ZC3H13: variants seen among roughly 807,000 people sequenced by gnomAD.
ZC3H13 encodes the protein zinc finger CCCH-type containing 13, also known as zinc finger CCCH domain-containing protein 13.
Under a neutral mutation model 204.1 loss-of-function variants are expected in ZC3H13, and 64 were observed. That is an observed-to-expected ratio of 0.31 (90% confidence interval 0.26 to 0.39). The LOEUF (loss-of-function observed/expected upper bound fraction) is 0.39, where lower values mean the gene tolerates loss of function less well. ZC3H13 is among the 10% of genes least tolerant of loss of function. The pLI, the probability that ZC3H13 is intolerant of heterozygous loss-of-function variation, is 1.00. For missense variants in ZC3H13, 1,833 were observed against 2,082.7 expected (o/e 0.88, Z 2.33); for synonymous variants, 667 against 693.7 (o/e 0.96, Z 0.60).
At chr13:45,989,194 TA>T (rs1417688722) in intron 8 of ZC3H13, 97 bp from the exon 9 acceptor site, 2 of 1,150,944 alleles carry the variant, frequency 1.7e-6, no homozygotes, top group Non-Finnish European at 2.4e-6. Flanking sequence ...TATGAAAGTA[TA>T]GACAATAACT....
intron 8 of ZC3H13, among the ~76,000 whole-genome samples, chr13:46,000,895 G>A (rs999869166): frequency 7.9e-5 from 12 of 152,052 alleles, no homozygotes; most frequent in Non-Finnish European, 1.8e-4. Context: ...GTTATTAGTT[G>A]GCCTAATTTC....
intron 16 of ZC3H13, 47 bp downstream of exon 16, chr13:45,965,233 C>T: frequency 6.3e-7 from 1 of 1,597,256 alleles, no homozygotes; most frequent in South Asian, 1.1e-5. Context: ...ACTTTAATAT[C>T]ATATAACAGA....
chr13:45,972,196 CAT>C (rs1467613806), intron 12 of ZC3H13, among the ~76,000 whole-genome samples: 1 of 151,594 alleles, frequency 6.6e-6, no homozygotes, highest in African/African-American at 2.4e-5. Context: ...AAAACATGCA[CAT>C]ATATGTTTAT....
intron 18 of ZC3H13, among the ~76,000 whole-genome samples, chr13:45,957,910 TG>T (rs1324323443): frequency 6.6e-6 from 1 of 152,210 alleles, no homozygotes; most frequent in Non-Finnish European, 1.5e-5. Context: ...TACTAAAATA[TG>T]TATCTATATT....
chr13:46,025,309 A>G (rs1240176552), intron 4 of ZC3H13, among the ~76,000 whole-genome samples: 1 of 152,024 alleles, frequency 6.6e-6, no homozygotes, highest in East Asian at 1.9e-4. Flanking sequence ...TATCCCATCT[A>G]TCGATCTATC....
At chr13:45,979,153 CTAA>C (rs1246486477) in intron 11 of ZC3H13, among the ~76,000 whole-genome samples, 1 of 151,992 alleles carries the variant, frequency 6.6e-6, no homozygotes, top group African/African-American at 2.4e-5. Context: ...TTTAAAGGCC[CTAA>C]TAAGTACAGA....
At chr13:45,979,747 CTGTT>C (rs1953383807) in intron 11 of ZC3H13, 62 bp downstream of exon 11, 2 of 1,457,176 alleles carry the variant, frequency 1.4e-6, no homozygotes, top group Non-Finnish European at 1.8e-6. Flanking sequence ...AAATTGGTAA[CTGTT>C]TGAAAAAACA....
intron 5 of ZC3H13, among the ~76,000 whole-genome samples, chr13:46,013,277 G>C (rs2041692050): frequency 6.6e-6 from 1 of 152,090 alleles, no homozygotes; most frequent in Admixed American, 6.5e-5. Context: ...AGCTGGGCGA[G>C]GTGGCGCGTG....
At chr13:46,027,988 T>C (rs2104516) in intron 4 of ZC3H13, among the ~76,000 whole-genome samples, 114,049 of 152,082 alleles carry the variant, frequency 0.75, 43,258 homozygotes, top group African/African-American at 0.85. Flanking sequence ...CATCAACAAT[T>C]ACTTTAAACA....
At chr13:45,959,713 T>C in intron 17 of ZC3H13, 67 bp from the exon 18 acceptor site, 1 of 1,395,404 alleles carries the variant, frequency 7.2e-7, no homozygotes, top group South Asian at 1.7e-5. Flanking sequence ...ACTACTTAAC[T>C]GAATATTCTA....
chr13:46,049,931 GT>G (rs902273595), intron 1 of ZC3H13, among the ~76,000 whole-genome samples: 1 of 151,952 alleles, frequency 6.6e-6, no homozygotes, highest in Non-Finnish European at 1.5e-5. Flanking sequence ...CTCCATTTTT[GT>G]TTTCAAATTA....
At chr13:46,019,668 T>C (rs548721275) in intron 5 of ZC3H13, among the ~76,000 whole-genome samples, 13 of 152,260 alleles carry the variant, frequency 8.5e-5, no homozygotes, top group South Asian at 6.2e-4. Flanking sequence ...TAAATGCTTA[T>C]TGATGACTCA....
chr13:46,046,017 A>C (rs993453654), intron 1 of ZC3H13, among the ~76,000 whole-genome samples: 12 of 152,244 alleles, frequency 7.9e-5, no homozygotes, highest in Non-Finnish European at 1.6e-4. Context: ...AACAGCAGTT[A>C]TGTTCCAAAA....
In ZC3H13 at chr13:46,003,317, T is replaced by G; in HGVS notation, c.766A>C (p.Ser256Arg). The change falls in exon 8 of 19, where the codon AGT becomes CGT. Residue 256 changes from serine (S) to arginine (R), a missense_variant. Transcript: ENST00000679008. ...GGAGTACGTGGTCCTTTCTTTTTAC[T>G]TTGGTTGGTTTTTGAATTTCTGAAG... ...DQQRNSKTNQ[S>R]KKKGPRTPSP... 1 of 1,607,158 alleles carries G rather than the reference T, an allele frequency of 6.2e-7. No individual in the cohort carries two copies. The highest frequency in any genetic ancestry group is 8.5e-7 in the Non-Finnish European group (1 of 1,178,526).
At chr13:46,051,755 T>C (rs1014155680) in intron 1 of ZC3H13, among the ~76,000 whole-genome samples, 1 of 152,174 alleles carries the variant, frequency 6.6e-6, no homozygotes, top group African/African-American at 2.4e-5. Flanking sequence ...CCAAATACCT[T>C]AAGACTACCC....
chr13:46,022,232 A>G (rs911210280), intron 4 of ZC3H13, among the ~76,000 whole-genome samples: 13 of 151,908 alleles, frequency 8.6e-5, no homozygotes, highest in African/African-American at 3.1e-4. Flanking sequence ...GAGATCATAT[A>G]TAACTTCTAT....
At chr13:46,019,726 G>A (rs1363866372) in intron 5 of ZC3H13, among the ~76,000 whole-genome samples, 1 of 152,106 alleles carries the variant, frequency 6.6e-6, no homozygotes, top group Non-Finnish European at 1.5e-5. Context: ...TGGGATCACA[G>A]GCATGCACCA....
At chr13:46,024,628 A>C (rs1399838747) in intron 4 of ZC3H13, among the ~76,000 whole-genome samples, 1 of 150,434 alleles carries the variant, frequency 6.6e-6, no homozygotes, top group East Asian at 1.9e-4. Flanking sequence ...ATAATATTCT[A>C]TCTCTCATGT....
At chr13:46,029,600 T>C (rs2042759693) in intron 4 of ZC3H13, among the ~76,000 whole-genome samples, 2 of 151,666 alleles carry the variant, frequency 1.3e-5, no homozygotes, top group Non-Finnish European at 2.9e-5. Context: ...GGCTAATTTT[T>C]TGTATTTTTA....
Sources: allele counts gnomAD v4.1 joint callset (sites outside exome capture counted in the v4.1 genomes callset), GRCh38; gene constraint gnomAD v4.1.1; transcripts MANE v1.5; gene names NCBI Gene and HGNC (gene_info 2026-07-23, HGNC 2026-07-21).